The following GALK2 variants were observed in gnomAD, a reference collection of about 807,000 sequenced individuals.
The protein encoded by GALK2 is galactokinase 2.
Under a neutral mutation model 52.4 loss-of-function variants are expected in GALK2, and 36 were observed. The observed-to-expected ratio is 0.69, with a 90% CI of 0.53 to 0.91. GALK2 has a LOEUF of 0.91. Among genes scored for constraint, GALK2 ranks in the 40% least tolerant of loss-of-function variants. The probability of loss-of-function intolerance (pLI) is 0.00; values close to 1 mark genes in which losing one functional copy is unlikely to be tolerated. For synonymous variants in GALK2, 176 were observed against 199.1 expected, an observed-to-expected ratio of 0.88 and a Z score of 0.98; for missense variants, 579 against 559.1, an observed-to-expected ratio of 1.04 and a Z score of -0.36.
At chr15:49,170,683 T>G (rs2085013625) in intron 1 of GALK2, 1 of 313,084 alleles carries the variant, frequency 3.2e-6, no homozygotes. Context: ...ATATCCACAC[T>G]GAACTCCTCT....
At chr15:49,321,974 C>T (rs558105482) in intron 9 of GALK2, among the ~76,000 whole-genome samples, 3 of 152,200 alleles carry the variant, frequency 2.0e-5, no homozygotes, top group South Asian at 2.1e-4. Flanking sequence ...GCTTGGATTC[C>T]GACTCTCTTT....
chr15:49,275,921 T>C (rs1050166427), intron 5 of GALK2, among the ~76,000 whole-genome samples: 1 of 152,224 alleles, frequency 6.6e-6, no homozygotes, highest in Non-Finnish European at 1.5e-5. Context: ...AAGGCTTTTG[T>C]TTCCTACCCA....
intron 5 of GALK2, among the ~76,000 whole-genome samples, chr15:49,241,345 C>T (rs954533850): frequency 6.6e-6 from 1 of 151,838 alleles, no homozygotes; most frequent in African/African-American, 2.4e-5. Context: ...AGGACAGAGC[C>T]CCAAGAAACA....
chr15:49,170,557 C>A, intron 1 of GALK2, 182 bp downstream of exon 1: 1 of 598,266 alleles, frequency 1.7e-6, no homozygotes, highest in Non-Finnish European at 3.0e-6. Context: ...CAAACACATT[C>A]TACCTTGACT....
intron 5 of GALK2, among the ~76,000 whole-genome samples, chr15:49,260,884 T>C (rs1411364105): frequency 6.6e-6 from 1 of 152,014 alleles, no homozygotes; most frequent in Non-Finnish European, 1.5e-5. Flanking sequence ...TGTAGATATG[T>C]GGTGTTATTT....
At chr15:49,288,330 C>T (rs1461271096) in intron 7 of GALK2, among the ~76,000 whole-genome samples, 1 of 152,138 alleles carries the variant, frequency 6.6e-6, no homozygotes, top group African/African-American at 2.4e-5. Context: ...CTTGTGGCAA[C>T]ATGAGAAGCA....
At chr15:49,163,800 T>A (rs936018898) in intron 1 of GALK2, among the ~76,000 whole-genome samples, 8 of 152,228 alleles carry the variant, frequency 5.3e-5, no homozygotes, top group African/African-American at 1.9e-4. Flanking sequence ...TATGCCTTGC[T>A]TATAGAAGAT....
chr15:49,313,534 G>A (rs911769835), intron 8 of GALK2, among the ~76,000 whole-genome samples: 6 of 152,316 alleles, frequency 3.9e-5, no homozygotes, highest in African/African-American at 1.4e-4. Context: ...AGCAAGCCCT[G>A]TCTTCTTGGT....
intron 7 of GALK2, among the ~76,000 whole-genome samples, chr15:49,291,706 G>T (rs1248860291): frequency 6.6e-6 from 1 of 152,188 alleles, no homozygotes; most frequent in Non-Finnish European, 1.5e-5. Flanking sequence ...ACCTCAGGAT[G>T]CAGTTAGAAG....
At chr15:49,179,295 G>T (rs947294678) in intron 1 of GALK2, among the ~76,000 whole-genome samples, 1 of 152,242 alleles carries the variant, frequency 6.6e-6, no homozygotes, top group East Asian at 1.9e-4. Flanking sequence ...TCAGTTTGTA[G>T]ATGAGGAAAA....
At chr15:49,159,986 A>C (rs1366337693) in intron 1 of GALK2, among the ~76,000 whole-genome samples, 1 of 152,124 alleles carries the variant, frequency 6.6e-6, no homozygotes, top group African/African-American at 2.4e-5. Flanking sequence ...TAAGATTAAT[A>C]ATACTGGCCA....
At chr15:49,235,993 C>A in intron 4 of GALK2, 52 bp downstream of exon 4, 1 of 1,032,760 alleles carries the variant, frequency 9.7e-7, no homozygotes, top group Non-Finnish European at 1.5e-6. Context: ...CATGTGTATT[C>A]TGTCAGATTT....
At chr15:49,285,687 T>C (rs1223016994) in intron 7 of GALK2, among the ~76,000 whole-genome samples, 1 of 152,192 alleles carries the variant, frequency 6.6e-6, no homozygotes, top group Non-Finnish European at 1.5e-5. Flanking sequence ...GACCTTATAT[T>C]TTTCCATCGG....
chr15:49,353,438 T>C (rs1318980875), intron 3 of GALK2: 1 of 152,206 alleles, frequency 6.6e-6, no homozygotes. Context: ...AGAGGAAGTC[T>C]TTTATCTCTA....
intron 5 of GALK2, among the ~76,000 whole-genome samples, chr15:49,266,756 GAGAT>G (rs1233970701): frequency 6.6e-6 from 1 of 152,196 alleles, no homozygotes; most frequent in Non-Finnish European, 1.5e-5. Flanking sequence ...GGGTGGATGG[GAGAT>G]TGGGTGTGTG....
At chr15:49,316,001 C>T (rs1019291372) in intron 8 of GALK2, among the ~76,000 whole-genome samples, 1 of 152,144 alleles carries the variant, frequency 6.6e-6, no homozygotes, top group Admixed American at 6.5e-5. Flanking sequence ...TGTACTCTCC[C>T]TGATGGACTA....
intron 1 of GALK2, among the ~76,000 whole-genome samples, chr15:49,160,258 G>C (rs553984656): frequency 6.6e-6 from 1 of 152,148 alleles, no homozygotes; most frequent in East Asian, 1.9e-4. Context: ...CTGGGCGACA[G>C]AGTGAGAGTT....
At chr15:49,266,391 A>G (rs2092362654) in intron 5 of GALK2, among the ~76,000 whole-genome samples, 1 of 152,110 alleles carries the variant, frequency 6.6e-6, no homozygotes, top group African/African-American at 2.4e-5. Context: ...CAGAGAGGGG[A>G]AGAATTTGTG....
At chr15:49,258,833 A>T (rs201596459) in intron 5 of GALK2, among the ~76,000 whole-genome samples, 3,897 of 143,428 alleles carry the variant, frequency 0.027, 79 homozygotes, top group African/African-American at 0.065. Context: ...TGTGTGTGAG[A>T]GAGAGAGAGA....
Sources: gnomAD v4.1 joint callset for allele counts (sites outside exome capture counted in the v4.1 genomes callset) on GRCh38, gnomAD v4.1.1 for gene constraint, MANE v1.5 for transcripts, NCBI Gene and HGNC (gene_info 2026-07-23, HGNC 2026-07-21) for gene names.